ZMIZ1: variants seen among roughly 807,000 people sequenced by gnomAD.
ZMIZ1 encodes zinc finger MIZ-type containing 1, also known as zinc finger MIZ domain-containing protein 1.
ZMIZ1 carries 17 observed loss-of-function variants against 113.9 expected under a neutral mutation model. That is an observed-to-expected ratio of 0.15 (90% CI 0.10 to 0.22). The LOEUF (loss-of-function observed/expected upper bound fraction) is 0.22. Ranked by LOEUF, ZMIZ1 falls within the 10% of genes least tolerant of loss-of-function variation. ZMIZ1 has a pLI of 1.00. For missense variants in ZMIZ1, 1,059 were observed against 1,477.8 expected (o/e 0.72, Z 4.65); for synonymous variants, 607 against 603.1 (o/e 1.01, Z -0.09).
chr10:79,293,397 C>A lies in ZMIZ1; in HGVS notation c.974C>A (p.Ala325Glu), dbSNP rs762760480. 1.3e-6 allele frequency: 2 copies of A among 1,517,086 alleles called. No individual in the cohort carries two copies. The highest frequency in any genetic ancestry group is 1.4e-5 in the African/African-American group (1 of 71,718). The allele number at this position is 1,517,086 out of a possible 1,614,324, so 94.0% of individuals were successfully genotyped here. ...NQYGPMGPTQ[A>E]YNSQFMNQPG... ...TCTTTCCAGATGGGTCCCACCCAGG[C>A]GTATAACAGCCAATTCATGAACCAG... is the stretch of plus-strand genomic sequence containing the variant. The change falls in exon 12 of 25, where the codon GCG (alanine) becomes GAG (glutamate). Residue 325 changes from alanine (A) to glutamate (E), a missense_variant. Transcript: ENST00000334512.
At chr10:79,120,271 TTGCA>T (rs1468153540) in intron 2 of ZMIZ1, among the ~76,000 whole-genome samples, 1 of 152,226 alleles carries the variant, frequency 6.6e-6, no homozygotes, top group East Asian at 1.9e-4. Flanking sequence ...TTGCGTGCAC[TTGCA>T]TGCTCACATA....
chr10:79,260,104 G>A (rs948173572), intron 7 of ZMIZ1, among the ~76,000 whole-genome samples: 9 of 152,222 alleles, frequency 5.9e-5, no homozygotes, highest in Non-Finnish European at 1.2e-4. Flanking sequence ...AGGCACAGGC[G>A]TGACAGTGAG....
At position 79,294,946 on chromosome 10, in the gene ZMIZ1, G is replaced by GC. The variant is rs1413492197; in HGVS notation, c.1230+1293_1230+1294insC. ...TGAGTTCAGGAGGGGAGAGAGAGGGGGGGGGGTCAGGGGCTTCCTCATGCA... is the reference window on the plus strand; with the variant it reads ...TGAGTTCAGGAGGGGAGAGAGAGGGGCGGGGGGTCAGGGGCTTCCTCATGCA... On this transcript the variant is annotated intron_variant, in intron 12 of 24. Transcript: ENST00000334512. 2.0e-5 allele frequency: 3 copies of GC among 146,884 alleles called. No homozygotes were observed. In the East Asian group the frequency reaches 6.8e-4, roughly 33 times the overall value. The allele number at this position is 146,884 out of a possible 1,614,324, so 9.1% of individuals were successfully genotyped here. A position where few individuals can be genotyped will look rare whatever the true frequency, so the allele number is the denominator to read the frequency against.
intron 16 of ZMIZ1, among the ~76,000 whole-genome samples, chr10:79,300,096 G>A (rs1179167421): frequency 6.6e-6 from 1 of 152,240 alleles, no homozygotes; most frequent in Non-Finnish European, 1.5e-5. Context: ...CAGAACACAG[G>A]AGCTGCAACG....
intron 9 of ZMIZ1, chr10:79,290,698 C>T: frequency 1.5e-6 from 1 of 672,070 alleles, no homozygotes; most frequent in Non-Finnish European, 2.7e-6. Flanking sequence ...ACCGCTTGAA[C>T]TGGCTTTGTG....
At chr10:79,222,592 C>T (rs1173735287) in intron 7 of ZMIZ1, among the ~76,000 whole-genome samples, 2 of 152,168 alleles carry the variant, frequency 1.3e-5, no homozygotes, top group African/African-American at 4.8e-5. Context: ...GAAATGTCAG[C>T]AGATCACAAG....
intron 4 of ZMIZ1, among the ~76,000 whole-genome samples, chr10:79,166,459 A>G (rs1846352478): frequency 6.6e-6 from 1 of 152,192 alleles, no homozygotes. Context: ...GGAAGGTGCC[A>G]TCCCCTCCCA....
chr10:79,184,330 C>G (rs546717455), intron 4 of ZMIZ1, among the ~76,000 whole-genome samples: 4 of 152,190 alleles, frequency 2.6e-5, no homozygotes. Context: ...GAGCTGTGAG[C>G]GTGAGAATAG....
At chr10:79,111,313 G>T (rs1028825262) in intron 1 of ZMIZ1, among the ~76,000 whole-genome samples, 26 of 152,338 alleles carry the variant, frequency 1.7e-4, no homozygotes, top group Admixed American at 1.4e-3. Context: ...CAAGGGAGGA[G>T]GCAGGCCAGG....
intron 7 of ZMIZ1, among the ~76,000 whole-genome samples, chr10:79,224,118 C>T (rs75449672): frequency 2.2e-3 from 336 of 152,260 alleles, no homozygotes; most frequent in South Asian, 4.8e-3. Context: ...ATTAACTTTC[C>T]AGAAGGATAA....
chr10:79,183,916 C>G lies in ZMIZ1; in HGVS notation c.-49-17668C>G, dbSNP rs1847239540. On this transcript the variant is annotated intron_variant, in intron 4 of 24. Coordinates refer to ENST00000334512, the MANE Select transcript of ZMIZ1 (RefSeq NM_020338.4). ...CTGTGCCCCTTATTAGCTCTGTGAA[C>G]TTGGACATACTCATGACACTCTCTT... 2.0e-5 allele frequency among the ~76,000 whole-genome samples: 3 copies of G among 152,154 alleles called. 1 individual carries two copies. The highest frequency in any genetic ancestry group is 1.3e-4 in the Admixed American group (2 of 15,278).
At chr10:79,186,147 G>A (rs529562251) in intron 4 of ZMIZ1, among the ~76,000 whole-genome samples, 2 of 152,150 alleles carry the variant, frequency 1.3e-5, no homozygotes, top group Admixed American at 6.5e-5. Flanking sequence ...CACCACCCAC[G>A]CCCTTTGGGC....
intron 1 of ZMIZ1, among the ~76,000 whole-genome samples, chr10:79,089,451 T>G (rs961032261): frequency 9.2e-5 from 14 of 152,090 alleles, no homozygotes; most frequent in African/African-American, 3.1e-4. Context: ...TCTAGTTTGG[T>G]TTTGGTCTGG....
chr10:79,295,837 C>G (rs1291745919), intron 12 of ZMIZ1: 1 of 152,246 alleles, frequency 6.6e-6, no homozygotes, highest in Non-Finnish European at 1.5e-5. Flanking sequence ...ATTTTCCAGA[C>G]AGGGAAGGTG....
chr10:79,146,728 G>A (rs545691555), intron 3 of ZMIZ1, among the ~76,000 whole-genome samples: 1 of 152,260 alleles, frequency 6.6e-6, no homozygotes, highest in South Asian at 2.1e-4. Context: ...GGCTGGGCGG[G>A]TGCTCTGCCC....
intron 1 of ZMIZ1, among the ~76,000 whole-genome samples, chr10:79,086,924 A>G (rs1842832753): frequency 1.3e-5 from 2 of 151,246 alleles, no homozygotes; most frequent in Admixed American, 1.3e-4. Context: ...TCTCTTTTGG[A>G]CTCCATATAG....
At chr10:79,306,370 G>A in intron 22 of ZMIZ1, 26 bp downstream of exon 22, 1 of 1,601,322 alleles carries the variant, frequency 6.2e-7, no homozygotes. Context: ...CAGGGAGGAA[G>A]GGAGAAGGAG....
In ZMIZ1 at chr10:79,069,375, C is replaced by A. The variant is rs1181705681; in HGVS notation, c.-337+105C>A. ...TGGGGATTGGGTGCTGGGGTTTTTC[C>A]CTTAAAGTGTCCCCCGGAGCGGGGC... On this transcript the variant is annotated intron_variant, in intron 1 of 24. Coordinates refer to ENST00000334512, the MANE Select transcript of ZMIZ1 (RefSeq NM_020338.4). This position sits in a 1 kb window ranked among gnomAD's most constrained non-coding sequence, Gnocchi z 4.6. 25 of 150,576 alleles carry A rather than the reference C, an allele frequency of 1.7e-4. No homozygotes were observed. Among genetic ancestry groups the A allele is most frequent in the Non-Finnish European group, 1.0e-4 (7 of 67,488 alleles). 9.3% of individuals were successfully genotyped at this position (150,576 alleles called of 1,614,324 possible). A position where few individuals can be genotyped will look rare whatever the true frequency, so the allele number is the denominator to read the frequency against.
At chr10:79,295,312 A>G (rs564482621) in intron 12 of ZMIZ1, 1 of 152,344 alleles carries the variant, frequency 6.6e-6, no homozygotes, top group African/African-American at 2.4e-5. Flanking sequence ...AAGAGAGCAC[A>G]CCAAAGGCTC....
Sources: gnomAD v4.1 joint callset for allele counts (sites outside exome capture counted in the v4.1 genomes callset) on GRCh38, gnomAD v4.1.1 for gene constraint, Gnocchi (gnomAD v3.1) non-coding constraint, MANE v1.5 for transcripts, NCBI Gene and HGNC (gene_info 2026-07-23, HGNC 2026-07-21) for gene names.